Variants in ANKS1A observed in about 807,000 individuals in gnomAD.
ANKS1A encodes the protein ankyrin repeat and sterile alpha motif domain containing 1A.
Under a neutral mutation model 120.3 loss-of-function variants are expected in ANKS1A, and 55 were observed. The observed-to-expected ratio is 0.46, with a 90% CI of 0.37 to 0.57. ANKS1A has a LOEUF of 0.57. Ranked by LOEUF, ANKS1A falls within the 20% of genes least tolerant of loss-of-function variation. ANKS1A has a pLI of 0.00. For synonymous variants in ANKS1A, 590 were observed against 604.7 expected, an observed-to-expected ratio of 0.98 and a Z score of 0.36; for missense variants, 1,123 against 1,480.3, an observed-to-expected ratio of 0.76 and a Z score of 3.96.
intron 10 of ANKS1A, among the ~76,000 whole-genome samples, chr6:35,006,265 C>T (rs1561907767): frequency 6.7e-6 from 1 of 150,040 alleles, no homozygotes; most frequent in Non-Finnish European, 1.5e-5. Context: ...GAGGCTGAGG[C>T]TGAGAATCGC....
At chr6:35,013,054 G>A (rs867705808) in intron 10 of ANKS1A, among the ~76,000 whole-genome samples, 1 of 152,250 alleles carries the variant, frequency 6.6e-6, no homozygotes, top group Non-Finnish European at 1.5e-5. Flanking sequence ...GCCTCCCAAA[G>A]TGCTGGGATT....
intron 1 of ANKS1A, among the ~76,000 whole-genome samples, chr6:34,927,889 C>A (rs1449853992): frequency 1.3e-5 from 2 of 152,076 alleles, no homozygotes; most frequent in Admixed American, 1.3e-4. Context: ...CCCTTACAAC[C>A]AAGAGGAGCC....
chr6:35,059,314 C>T (rs1303604191), intron 12 of ANKS1A, among the ~76,000 whole-genome samples: 12 of 152,228 alleles, frequency 7.9e-5, no homozygotes, highest in Non-Finnish European at 2.9e-5. Flanking sequence ...CGCAGCCCGG[C>T]GGAATGCGAT....
In ANKS1A at chr6:34,956,354, T is replaced by G. The variant is rs1403689; in HGVS notation, c.198-10885T>G. On this transcript the variant is annotated intron_variant, in intron 1 of 23. Coordinates refer to ENST00000360359, the MANE Select transcript of ANKS1A (RefSeq NM_015245.3). ...TTTGAGTCATTTTTTTCTGTTTTTT[T>G]GGGTTTTTTTTGTGTGTGCTCTGTC... Among the ~76,000 whole-genome samples, 741 of 152,076 alleles carry G rather than the reference T, an allele frequency of 4.9e-3. 7 individuals are homozygous for G. Among genetic ancestry groups the G allele is most frequent in the African/African-American group, 0.012 (498 of 41,462 alleles).
Position 35,091,215 on chromosome 6 carries a change from C to T in ANKS1A, c.*2606C>T, listed in dbSNP as rs542594244. ...TTTTACTGTATATAAAATTGTTAAT[C>T]TGTCTGATTTTGTCTGAATTATAAA... is the stretch of plus-strand genomic sequence containing the variant. On this transcript the variant is annotated 3_prime_UTR_variant, in exon 24 of 24. Transcript: ENST00000360359. 2.0e-6 allele frequency: 2 copies of T among 985,876 alleles called. No individual in the cohort carries two copies. Among genetic ancestry groups the T allele is most frequent in the African/African-American group, 3.5e-5 (2 of 57,364 alleles). 61.1% of individuals were successfully genotyped at this position (985,876 alleles called of 1,614,324 possible). A position where few individuals can be genotyped will look rare whatever the true frequency, so the allele number is the denominator to read the frequency against.
chr6:35,097,123 TTGTAAA>T, the ANKS1A span, among the ~76,000 whole-genome samples: 1 of 152,164 alleles, frequency 6.6e-6, no homozygotes, highest in African/African-American at 2.4e-5. Context: ...TAGACACCTT[TTGTAAA>T]TGTAAATTTA....
At chr6:35,063,174 C>G (rs971384452) in intron 13 of ANKS1A, among the ~76,000 whole-genome samples, 1 of 152,194 alleles carries the variant, frequency 6.6e-6, no homozygotes, top group African/African-American at 2.4e-5. Context: ...TGACACCAGA[C>G]GCAGGGAGAG....
At chr6:34,965,059 A>G (rs1384393764) in intron 1 of ANKS1A, among the ~76,000 whole-genome samples, 1 of 152,164 alleles carries the variant, frequency 6.6e-6, no homozygotes, top group Non-Finnish European at 1.5e-5. Flanking sequence ...GAATCTGTTT[A>G]TCTGTCTATA....
At chr6:35,074,287 C>T (rs1320066777) in intron 13 of ANKS1A, among the ~76,000 whole-genome samples, 2 of 152,186 alleles carry the variant, frequency 1.3e-5, no homozygotes, top group Non-Finnish European at 2.9e-5. Context: ...GCTTTGGTAT[C>T]CTCATAATCA....
At position 35,057,209 on chromosome 6, in the gene ANKS1A, T is replaced by G. The variant is rs1454898653; in HGVS notation, c.2078-2938T>G. Among the ~76,000 whole-genome samples, 1 of 152,092 alleles carries G rather than the reference T, an allele frequency of 6.6e-6. No homozygotes were observed. The highest frequency in any genetic ancestry group is 1.5e-5 in the Non-Finnish European group (1 of 68,018). On this transcript the variant is annotated intron_variant, in intron 12 of 23. Transcript: ENST00000360359. The surrounding 1 kb of genome is among the most constrained non-coding windows in gnomAD (Gnocchi z 4.1). ...CCACAGGCCCCTGGGCTGCCACCAC[T>G]GGAGCTAGTTAGCTGAATCGCCAAC...
intron 1 of ANKS1A, among the ~76,000 whole-genome samples, chr6:34,906,518 A>T (rs926261367): frequency 1.3e-5 from 2 of 152,250 alleles, no homozygotes; most frequent in African/African-American, 4.8e-5. Context: ...TGGCTTGGTT[A>T]TCTGTGAGTT....
At position 35,091,199 on chromosome 6, in the gene ANKS1A, A is replaced by ATATAAAATTGTTAATCTGTCTGATTT; in HGVS notation, c.*2592_*2617dup. ...ATGACTTTCCCTTTTGTTTTACTGT[A>ATATAAAATTGTTAATCTGTCTGATTT]TATAAAATTGTTAATCTGTCTGATT... is the stretch of plus-strand genomic sequence containing the variant. On this transcript the variant is annotated 3_prime_UTR_variant, in exon 24 of 24. Transcript: ENST00000360359. The ATATAAAATTGTTAATCTGTCTGATTT allele has an allele frequency of 1.0e-6, 1 of 985,858 alleles. No individual in the cohort carries two copies. The allele number at this position is 985,858 out of a possible 1,614,324, so 61.1% of individuals were successfully genotyped here. A position where few individuals can be genotyped will look rare whatever the true frequency, so the allele number is the denominator to read the frequency against.
intron 11 of ANKS1A, chr6:35,038,365 A>C (rs1456503427): frequency 2.2e-6 from 1 of 455,626 alleles, no homozygotes; most frequent in Non-Finnish European, 4.4e-6. Flanking sequence ...CGACCGGTCC[A>C]CGATGAAAGG....
Position 35,081,767 on chromosome 6 carries a change from T to C in ANKS1A, c.2709+609T>C, listed in dbSNP as rs9296141. ...GCCCGTCTCACACTCCTGGCTCACC[T>C]TCTCAGGGCATCATTTCCAGGGGTC... is the stretch of plus-strand genomic sequence containing the variant. On this transcript the variant is annotated intron_variant, in intron 17 of 23. Transcript: ENST00000360359. Among the ~76,000 whole-genome samples, 781 of 152,322 alleles carry C rather than the reference T, an allele frequency of 5.1e-3. 12 individuals are homozygous for C. The highest frequency in any genetic ancestry group is 0.018 in the African/African-American group (728 of 41,568).
intron 1 of ANKS1A, among the ~76,000 whole-genome samples, chr6:34,963,746 AG>A (rs1331872009): frequency 1.3e-5 from 2 of 152,188 alleles, no homozygotes; most frequent in Non-Finnish European, 2.9e-5. Flanking sequence ...ACAGTGTGCA[AG>A]GTGCTCTTTT....
At chr6:35,075,541 G>T (rs541922657) in intron 13 of ANKS1A, among the ~76,000 whole-genome samples, 1 of 149,780 alleles carries the variant, frequency 6.7e-6, no homozygotes, top group East Asian at 2.0e-4. Flanking sequence ...TCAGCCTCCC[G>T]AGTAGCTGGG....
At chr6:34,924,119 G>GTGTA (rs940056675) in intron 1 of ANKS1A, among the ~76,000 whole-genome samples, 2 of 151,570 alleles carry the variant, frequency 1.3e-5, no homozygotes, top group African/African-American at 4.9e-5. Context: ...GTGTGTGTGT[G>GTGTA]TGTGTGTGTA....
chr6:34,901,447 C>T (rs9380466), intron 1 of ANKS1A, among the ~76,000 whole-genome samples: 11,095 of 152,144 alleles, frequency 0.073, 612 homozygotes, highest in East Asian at 0.23. Flanking sequence ...TATTAGTGCC[C>T]ATTTTACTGA....
At chr6:34,900,829 A>G (rs1474193190) in intron 1 of ANKS1A, among the ~76,000 whole-genome samples, 1 of 152,124 alleles carries the variant, frequency 6.6e-6, no homozygotes, top group Non-Finnish European at 1.5e-5. Flanking sequence ...GACTACATAC[A>G]GTGAGGTAGG....
Sources: allele counts gnomAD v4.1 joint callset (sites outside exome capture counted in the v4.1 genomes callset), GRCh38; gene constraint gnomAD v4.1.1; non-coding constraint Gnocchi (gnomAD v3.1); transcripts MANE v1.5; gene names NCBI Gene and HGNC (gene_info 2026-07-23, HGNC 2026-07-21).